The following ITFG1 variants were observed in gnomAD, a reference collection of about 807,000 sequenced individuals.
ITFG1 encodes integrin alpha FG-GAP repeat containing 1, also known as T-cell immunomodulatory protein.
Under a neutral mutation model 81.8 loss-of-function variants are expected in ITFG1, and 34 were observed. The ratio of observed to expected loss-of-function variants is 0.42; its 90% CI spans 0.32 to 0.55. The LOEUF (loss-of-function observed/expected upper bound fraction) is 0.55, where lower values mean the gene tolerates loss of function less well. Among genes scored for constraint, ITFG1 ranks in the 20% least tolerant of loss-of-function variants. The probability of loss-of-function intolerance (pLI) is 0.17; values close to 1 mark genes in which losing one functional copy is unlikely to be tolerated. For synonymous variants in ITFG1, 285 were observed against 270.6 expected, an observed-to-expected ratio of 1.05 and a Z score of -0.52; for missense variants, 672 against 755.4, an observed-to-expected ratio of 0.89 and a Z score of 1.29.
At chr16:47,435,498 G>A (rs981031708) in intron 5 of ITFG1, among the ~76,000 whole-genome samples, 2 of 152,152 alleles carry the variant, frequency 1.3e-5, no homozygotes, top group African/African-American at 4.8e-5. Flanking sequence ...TAATTTGTGG[G>A]CATCATCACC....
At chr16:47,276,204 T>C (rs563276896) in intron 10 of ITFG1, among the ~76,000 whole-genome samples, 3 of 152,056 alleles carry the variant, frequency 2.0e-5, no homozygotes, top group Non-Finnish European at 4.4e-5. Flanking sequence ...GATTGATGAA[T>C]ATAAGATCCA....
intron 6 of ITFG1, among the ~76,000 whole-genome samples, chr16:47,426,874 A>T (rs1969027337): frequency 6.6e-6 from 1 of 152,190 alleles, no homozygotes; most frequent in African/African-American, 2.4e-5. Flanking sequence ...AAGTTTTATT[A>T]CATCTCACAG....
At chr16:47,179,965 A>G (rs905761153) in intron 14 of ITFG1, among the ~76,000 whole-genome samples, 2 of 152,192 alleles carry the variant, frequency 1.3e-5, no homozygotes, top group African/African-American at 4.8e-5. Context: ...GCATATTTTG[A>G]ATTATATCTG....
rs117966360 is a variant in ITFG1, at chr16:47,163,829, C to G, written c.1454-1165G>C. Among the ~76,000 whole-genome samples, 25 of 151,968 alleles carry G rather than the reference C, an allele frequency of 1.6e-4. 1 individual carries two copies. In the East Asian group the frequency reaches 4.8e-3, roughly 29 times the overall value. ...TGCTCATGGTTGTGAAGTGGTATCT[C>G]ATTATGGTTTTTACTTGCATTTCCC... On this transcript the variant is annotated intron_variant, in intron 14 of 17. Transcript: ENST00000320640.
At chr16:47,290,852 T>C (rs865935480) in intron 10 of ITFG1, among the ~76,000 whole-genome samples, 2 of 152,216 alleles carry the variant, frequency 1.3e-5, no homozygotes, top group South Asian at 2.1e-4. Context: ...CTTGGCTGAA[T>C]GTTTTCTGTT....
chr16:47,186,945 C>G (rs1449341876), intron 14 of ITFG1, among the ~76,000 whole-genome samples: 2 of 152,150 alleles, frequency 1.3e-5, no homozygotes, highest in African/African-American at 4.8e-5. Context: ...ACAAAAATCA[C>G]AAGCATTCTT....
intron 6 of ITFG1, among the ~76,000 whole-genome samples, chr16:47,384,295 G>A (rs1968432017): frequency 6.6e-6 from 1 of 152,288 alleles, no homozygotes; most frequent in African/African-American, 2.4e-5. Flanking sequence ...TCCAAGGGAA[G>A]GATGGTTAAA....
intron 14 of ITFG1, among the ~76,000 whole-genome samples, chr16:47,211,470 G>A (rs1965559756): frequency 6.6e-6 from 1 of 152,090 alleles, no homozygotes; most frequent in Non-Finnish European, 1.5e-5. Flanking sequence ...ATGTCATCTG[G>A]AAATAGTGAT....
intron 14 of ITFG1, among the ~76,000 whole-genome samples, chr16:47,164,805 T>G (rs1186608827): frequency 2.0e-5 from 3 of 152,254 alleles, no homozygotes; most frequent in Non-Finnish European, 4.4e-5. Flanking sequence ...GAGATTTTCA[T>G]GCAGCTCCAA....
intron 14 of ITFG1, among the ~76,000 whole-genome samples, chr16:47,176,260 A>C (rs542334157): frequency 4.9e-4 from 74 of 152,336 alleles, no homozygotes; most frequent in African/African-American, 1.8e-3. Context: ...CATTACTCAC[A>C]GGGGAATTCT....
chr16:47,448,478 C>T (rs768172822), intron 5 of ITFG1: 2 of 152,056 alleles, frequency 1.3e-5, no homozygotes, highest in East Asian at 1.9e-4. Flanking sequence ...TATTTTCATG[C>T]GATCACTTGT....
chr16:47,241,398 A>G (rs1356563197), intron 12 of ITFG1, among the ~76,000 whole-genome samples: 1 of 152,234 alleles, frequency 6.6e-6, no homozygotes, highest in Non-Finnish European at 1.5e-5. Context: ...AACCATCCAA[A>G]TGTCCATCAA....
chr16:47,400,143 C>T (rs1968642290), intron 6 of ITFG1, among the ~76,000 whole-genome samples: 1 of 152,184 alleles, frequency 6.6e-6, no homozygotes, highest in African/African-American at 2.4e-5. Context: ...CACCTGACCC[C>T]AGAGCCTGCA....
At chr16:47,270,059 T>C (rs1351180693) in intron 10 of ITFG1, among the ~76,000 whole-genome samples, 3 of 152,082 alleles carry the variant, frequency 2.0e-5, no homozygotes, top group Admixed American at 2.0e-4. Context: ...TTGGAACAAT[T>C]TACAAAAAAG....
chr16:47,267,986 T>C (rs994649774), intron 10 of ITFG1, among the ~76,000 whole-genome samples: 25 of 151,088 alleles, frequency 1.7e-4, no homozygotes, highest in Non-Finnish European at 4.4e-5. Context: ...AAGCCAAAAA[T>C]AGAAGAGCAA....
rs369734276 is a variant in ITFG1 at position 47,345,447 on chromosome 16, C to T, written c.802+20341G>A. ...TCCTGAGTAGCTGGGATTACAGATG[C>T]GTGCCACCACGCCTGGCTATTTTGT... On this transcript the variant is annotated intron_variant, in intron 8 of 17. Transcript: ENST00000320640. Among the ~76,000 whole-genome samples the T allele has an allele frequency of 8.6e-5, 13 of 151,972 alleles. No homozygotes were observed. The East Asian group carries it at 9.7e-4, about 11-fold the overall frequency.
intron 8 of ITFG1, among the ~76,000 whole-genome samples, chr16:47,363,568 C>G (rs1968137019): frequency 6.6e-6 from 1 of 152,042 alleles, no homozygotes; most frequent in African/African-American, 2.4e-5. Context: ...GTTCATGCCA[C>G]TCAGAAAATA....
intron 14 of ITFG1, among the ~76,000 whole-genome samples, chr16:47,186,479 C>A (rs1965218534): frequency 6.6e-6 from 1 of 152,094 alleles, no homozygotes; most frequent in South Asian, 2.1e-4. Context: ...TAAATGTAAT[C>A]CAGCATAGAA....
At chr16:47,253,577 C>A (rs532584293) in intron 12 of ITFG1, among the ~76,000 whole-genome samples, 1 of 152,122 alleles carries the variant, frequency 6.6e-6, no homozygotes, top group East Asian at 1.9e-4. Flanking sequence ...AGAAGAAGGG[C>A]AATTTTTTCA....
Sources: allele counts gnomAD v4.1 joint callset (sites outside exome capture counted in the v4.1 genomes callset), GRCh38; gene constraint gnomAD v4.1.1; transcripts MANE v1.5; gene names NCBI Gene and HGNC (gene_info 2026-07-23, HGNC 2026-07-21).